Variants in TPH2 observed in about 807,000 individuals in gnomAD.
TPH2 encodes the protein tryptophan 5-hydroxylase 2.
In TPH2, 27 loss-of-function variants were observed where a neutral mutation model predicts 59.1. The ratio of observed to expected loss-of-function variants is 0.46; its 90% confidence interval spans 0.34 to 0.63. The LOEUF is 0.63. TPH2 is among the 30% of genes least tolerant of loss of function. The pLI is 0.01. For synonymous variants in TPH2, 220 were observed against 210.5 expected, an observed-to-expected ratio of 1.05 and a Z score of -0.39; for missense variants, 523 against 588.3, an observed-to-expected ratio of 0.89 and a Z score of 1.15.
chr12:72,011,593 C>T (rs902157897), intron 8 of TPH2, among the ~76,000 whole-genome samples: 5 of 152,222 alleles, frequency 3.3e-5, no homozygotes, highest in African/African-American at 1.2e-4. Flanking sequence ...AGCATTTTCC[C>T]TGGCAAGTCT....
At chr12:71,961,402 C>A in intron 5 of TPH2, 2 of 561,166 alleles carry the variant, frequency 3.6e-6, no homozygotes, top group Non-Finnish European at 5.4e-6. Flanking sequence ...TTGCACAAGA[C>A]CATGAGCTGT....
At chr12:71,945,528 G>A (rs1871175866) in intron 4 of TPH2, among the ~76,000 whole-genome samples, 1 of 152,104 alleles carries the variant, frequency 6.6e-6, no homozygotes, top group Non-Finnish European at 1.5e-5. Context: ...TGGTCTGCAG[G>A]TAGTAGTTTA....
chr12:72,020,188 G>A (rs1279144843), intron 8 of TPH2, among the ~76,000 whole-genome samples: 1 of 152,168 alleles, frequency 6.6e-6, no homozygotes, highest in Non-Finnish European at 1.5e-5. Context: ...CTAGTTAGTA[G>A]AGGCTAGAGA....
intron 4 of TPH2, among the ~76,000 whole-genome samples, chr12:71,947,904 A>G (rs1261024506): frequency 6.6e-6 from 1 of 152,188 alleles, no homozygotes; most frequent in Non-Finnish European, 1.5e-5. Context: ...TGATGCCGTT[A>G]CCATGGTGTC....
intron 4 of TPH2, 60 bp downstream of exon 4, chr12:71,944,746 C>T (rs1352487233): frequency 1.5e-5 from 22 of 1,443,916 alleles, no homozygotes; most frequent in South Asian, 2.3e-5. Flanking sequence ...ATGTGCCAGG[C>T]ACTGTGCCAT....
chr12:72,002,543 T>A (rs1250324208), intron 8 of TPH2, among the ~76,000 whole-genome samples: 1 of 152,162 alleles, frequency 6.6e-6, no homozygotes, highest in Non-Finnish European at 1.5e-5. Flanking sequence ...GGAGTGCACT[T>A]GACAAGTAAT....
At chr12:71,992,545 G>A (rs543067290) in intron 7 of TPH2, among the ~76,000 whole-genome samples, 3 of 151,980 alleles carry the variant, frequency 2.0e-5, no homozygotes, top group African/African-American at 7.2e-5. Context: ...TCCAGGCTGC[G>A]ATGAGCTGTG....
chr12:71,980,626 G>C (rs1872248347), intron 7 of TPH2, among the ~76,000 whole-genome samples: 2 of 152,136 alleles, frequency 1.3e-5, no homozygotes, highest in Non-Finnish European at 2.9e-5. Flanking sequence ...GCTCAAAGAA[G>C]CACTGTCAGA....
chr12:71,951,840 A>C (rs1156876647), intron 5 of TPH2, among the ~76,000 whole-genome samples: 1 of 152,104 alleles, frequency 6.6e-6, no homozygotes, highest in Non-Finnish European at 1.5e-5. Context: ...AGCCTGACCA[A>C]CATGGAGAAA....
chr12:72,017,496 T>C (rs34046675), intron 8 of TPH2, among the ~76,000 whole-genome samples: 3,078 of 152,328 alleles, frequency 0.02, 42 homozygotes, highest in Middle Eastern at 0.051. Flanking sequence ...ATGTCATTAA[T>C]AGTATGTAAA....
intron 8 of TPH2, among the ~76,000 whole-genome samples, chr12:72,015,396 T>C (rs920628161): frequency 7.0e-6 from 1 of 143,402 alleles, no homozygotes; most frequent in Non-Finnish European, 1.5e-5. Flanking sequence ...CTTGGTTCAC[T>C]GCAAGCTCTG....
intron 5 of TPH2, among the ~76,000 whole-genome samples, chr12:71,966,045 T>G (rs530166550): frequency 6.6e-6 from 1 of 152,322 alleles, no homozygotes; most frequent in East Asian, 1.9e-4. Context: ...GTTAGAATAA[T>G]GTCAACCTCA....
chr12:71,999,386 C>A (rs1872767147), intron 8 of TPH2, among the ~76,000 whole-genome samples: 1 of 152,122 alleles, frequency 6.6e-6, no homozygotes, highest in African/African-American at 2.4e-5. Flanking sequence ...AAATAATTTG[C>A]CCTCTGGTGG....
intron 9 of TPH2, among the ~76,000 whole-genome samples, chr12:72,024,097 C>G (rs538944269): frequency 1.7e-4 from 26 of 152,308 alleles, no homozygotes; most frequent in African/African-American, 5.8e-4. Flanking sequence ...CCTGTGATCC[C>G]TGCCATCAAA....
chr12:72,027,819 G>A (rs1873611028), intron 9 of TPH2, among the ~76,000 whole-genome samples: 1 of 152,152 alleles, frequency 6.6e-6, no homozygotes, highest in Non-Finnish European at 1.5e-5. Flanking sequence ...AATTTACTGT[G>A]GCTGGTGTGG....
At chr12:71,995,617 T>A (rs1374888001) in intron 8 of TPH2, among the ~76,000 whole-genome samples, 1 of 152,120 alleles carries the variant, frequency 6.6e-6, no homozygotes, top group Non-Finnish European at 1.5e-5. Context: ...GCAGAAGCCA[T>A]CTAAATGGCA....
chr12:71,966,676 T>A (rs911997344), intron 5 of TPH2, among the ~76,000 whole-genome samples: 22 of 152,352 alleles, frequency 1.4e-4, no homozygotes, highest in African/African-American at 4.6e-4. Flanking sequence ...TCTGTTATCT[T>A]CTGCTCTGTT....
intron 8 of TPH2, among the ~76,000 whole-genome samples, chr12:72,001,918 A>G (rs1397483648): frequency 1.3e-5 from 2 of 152,164 alleles, no homozygotes; most frequent in Non-Finnish European, 2.9e-5. Context: ...AAAAAAAGTG[A>G]ACTTGGGAAT....
chr12:71,957,327 A>ATTTTTTT (rs35425528), intron 5 of TPH2, among the ~76,000 whole-genome samples: 15 of 95,594 alleles, frequency 1.6e-4, no homozygotes, highest in South Asian at 4.0e-4. Flanking sequence ...TGAGTAAAGG[A>ATTTTTTT]TTTTTTTTTT....
Sources: allele counts gnomAD v4.1 joint callset (sites outside exome capture counted in the v4.1 genomes callset), GRCh38; gene constraint gnomAD v4.1.1; transcripts MANE v1.5; gene names NCBI Gene and HGNC (gene_info 2026-07-23, HGNC 2026-07-21).